FOXO1: variants seen among roughly 807,000 people sequenced by gnomAD.
The protein encoded by FOXO1 is forkhead box O1.
In FOXO1, 6 loss-of-function variants were observed where a neutral mutation model predicts 44.1. That is an observed-to-expected ratio of 0.14 (90% CI 0.07 to 0.27). The LOEUF is 0.27. Among genes scored for constraint, FOXO1 ranks in the 10% least tolerant of loss-of-function variants. The probability of loss-of-function intolerance (pLI) is 1.00; values close to 1 mark genes in which losing one functional copy is unlikely to be tolerated. For synonymous variants in FOXO1, 380 were observed against 362.7 expected (o/e 1.05, Z -0.54); for missense variants, 737 against 888.8 (o/e 0.83, Z 2.17).
intron 1 of FOXO1, among the ~76,000 whole-genome samples, chr13:40,643,424 C>T (rs1877416922): frequency 6.6e-6 from 1 of 151,972 alleles, no homozygotes; most frequent in Non-Finnish European, 1.5e-5. Context: ...CAACCCACTG[C>T]AAACTCTGGG....
At chr13:40,615,037 A>G (rs1194029969) in intron 1 of FOXO1, among the ~76,000 whole-genome samples, 1 of 152,232 alleles carries the variant, frequency 6.6e-6, no homozygotes, top group Non-Finnish European at 1.5e-5. Flanking sequence ...CCATCACTCC[A>G]GTAAGGCAGA....
rs889894731 is a variant in FOXO1 at position 40,662,063 on chromosome 13, C to T, written c.630+3520G>A. On this transcript the variant is annotated intron_variant, in intron 1 of 2. Coordinates refer to ENST00000379561, the MANE Select transcript of FOXO1 (RefSeq NM_002015.4). The stretch of plus-strand genomic sequence containing the variant: ...GCACGTGCCAGTAGTCCCAGCTACT[C>T]GGGAGGCTGAGGCAGAAGAATTGCT... Among the ~76,000 whole-genome samples the T allele has an allele frequency of 6.8e-5, 10 of 146,372 alleles. No homozygotes were observed. The Middle Eastern group carries it at 0.015, about 222-fold the overall frequency.
Position 40,651,816 on chromosome 13 carries a change from C to G in FOXO1, c.630+13767G>C, listed in dbSNP as rs200511172. 7.2e-5 allele frequency among the ~76,000 whole-genome samples: 11 copies of G among 152,028 alleles called. No homozygotes were observed. The East Asian group carries it at 1.5e-3, about 21-fold the overall frequency. ...ATTCAACAAACTGCTCCAGGCACAC[C>G]GGTAACAGAAGAGACTGGGAGTATG... On this transcript the variant is annotated intron_variant, in intron 1 of 2. Transcript: ENST00000379561.
intron 1 of FOXO1, among the ~76,000 whole-genome samples, chr13:40,654,500 CAAAA>C (rs199597846): frequency 9.2e-5 from 10 of 108,234 alleles, no homozygotes; most frequent in African/African-American, 2.1e-4. Context: ...GACTCTGTCA[CAAAA>C]AAAAAAAAAA....
chr13:40,578,654 T>C (rs1178082092), intron 1 of FOXO1, among the ~76,000 whole-genome samples: 1 of 152,224 alleles, frequency 6.6e-6, no homozygotes, highest in Non-Finnish European at 1.5e-5. Flanking sequence ...TTCTTCGGCA[T>C]GTGCTCTACA....
chr13:40,664,053 TCACGAG>T (rs1306842785), intron 1 of FOXO1, among the ~76,000 whole-genome samples: 1 of 152,198 alleles, frequency 6.6e-6, no homozygotes, highest in African/African-American at 2.4e-5. Context: ...GGCGGGCCGA[TCACGAG>T]GTCAGGAGAT....
chr13:40,609,435 G>C (rs1283033296), intron 1 of FOXO1, among the ~76,000 whole-genome samples: 1 of 152,104 alleles, frequency 6.6e-6, no homozygotes, highest in African/African-American at 2.4e-5. Flanking sequence ...AATTATGCAT[G>C]AGTATTTGTA....
intron 1 of FOXO1, among the ~76,000 whole-genome samples, chr13:40,588,027 A>G (rs1021866788): frequency 2.0e-5 from 3 of 152,210 alleles, no homozygotes; most frequent in South Asian, 2.1e-4. Context: ...GCACTACTGC[A>G]TTATGCTCCA....
intron 1 of FOXO1, among the ~76,000 whole-genome samples, chr13:40,568,601 T>C (rs965733202): frequency 6.6e-6 from 1 of 152,328 alleles, no homozygotes; most frequent in South Asian, 2.1e-4. Flanking sequence ...ATAGACAGTA[T>C]GTAAATCAAT....
At chr13:40,635,662 T>G (rs150791438) in intron 1 of FOXO1, among the ~76,000 whole-genome samples, 2 of 152,370 alleles carry the variant, frequency 1.3e-5, no homozygotes, top group African/African-American at 4.8e-5. Flanking sequence ...GGCAATCCCT[T>G]AAGCTAAATT....
chr13:40,642,501 G>A (rs1294889865), intron 1 of FOXO1, among the ~76,000 whole-genome samples: 2 of 152,202 alleles, frequency 1.3e-5, no homozygotes, highest in Non-Finnish European at 2.9e-5. Flanking sequence ...ACTATCAGAT[G>A]ACAGATATAA....
intron 1 of FOXO1, among the ~76,000 whole-genome samples, chr13:40,635,910 C>T (rs1364488234): frequency 6.6e-6 from 1 of 152,204 alleles, no homozygotes; most frequent in African/African-American, 2.4e-5. Context: ...CAGTGGCGCC[C>T]ATCTGTAAAA....
intron 1 of FOXO1, among the ~76,000 whole-genome samples, chr13:40,609,223 G>A (rs1876137101): frequency 6.6e-6 from 1 of 152,084 alleles, no homozygotes; most frequent in Non-Finnish European, 1.5e-5. Flanking sequence ...AACATATTAT[G>A]CAATAAAGTC....
At chr13:40,588,327 A>G (rs1324930367) in intron 1 of FOXO1, among the ~76,000 whole-genome samples, 2 of 152,208 alleles carry the variant, frequency 1.3e-5, no homozygotes. Flanking sequence ...CCAAACCTTG[A>G]GTCACCTGAA....
chr13:40,635,746 G>A (rs4943799), intron 1 of FOXO1, among the ~76,000 whole-genome samples: 152,346 of 152,362 alleles, frequency 1, 76,165 homozygotes, highest in Non-Finnish European at 1. Context: ...TGGATGGTCA[G>A]GCACACCACT....
chr13:40,603,960 GTT>G (rs1192510843), intron 1 of FOXO1, among the ~76,000 whole-genome samples: 1 of 152,160 alleles, frequency 6.6e-6, no homozygotes, highest in Admixed American at 6.5e-5. Context: ...CATGAAGTGT[GTT>G]TTGTCAAGGG....
At position 40,617,623 on chromosome 13, in the gene FOXO1, G is replaced by A. The variant is rs561947525; in HGVS notation, c.630+47960C>T. ...AGCCACAGTACACACGCCTTAATAG[G>A]TCAGCACTCCTCTCCTAACTATATT... is the stretch of plus-strand genomic sequence containing the variant. On this transcript the variant is annotated intron_variant, in intron 1 of 2. Transcript: ENST00000379561. 2.6e-5 allele frequency among the ~76,000 whole-genome samples: 4 copies of A among 152,090 alleles called. No homozygotes were observed. In the East Asian group the frequency reaches 7.7e-4, roughly 29 times the overall value.
At chr13:40,629,966 T>A (rs1343859450) in intron 1 of FOXO1, among the ~76,000 whole-genome samples, 1 of 152,218 alleles carries the variant, frequency 6.6e-6, no homozygotes, top group Admixed American at 6.5e-5. Context: ...TTTGGGCTTT[T>A]CTTGTGCTCA....
At chr13:40,631,158 G>A (rs935858438) in intron 1 of FOXO1, among the ~76,000 whole-genome samples, 2 of 152,190 alleles carry the variant, frequency 1.3e-5, no homozygotes, top group Non-Finnish European at 2.9e-5. Flanking sequence ...GCAGGGTGGA[G>A]TGGCAGCATT....
Sources: allele counts gnomAD v4.1 joint callset (sites outside exome capture counted in the v4.1 genomes callset), GRCh38; gene constraint gnomAD v4.1.1; transcripts MANE v1.5; gene names NCBI Gene and HGNC (gene_info 2026-07-23, HGNC 2026-07-21).